XKR9: variants seen among roughly 807,000 people sequenced by gnomAD.
The protein encoded by XKR9 is XK related 9, also known as XK-related protein 9.
A neutral mutation model predicts 32.0 loss-of-function variants in XKR9; 32 were observed. That is an observed-to-expected ratio of 1.00 (90% CI 0.76 to 1.34). XKR9 has a LOEUF of 1.34. XKR9 is among the 40% of genes most tolerant of loss of function. The pLI is 0.00. For missense variants in XKR9, 546 were observed against 429.7 expected, an observed-to-expected ratio of 1.27 and a Z score of -2.39; for synonymous variants, 168 against 143.4, an observed-to-expected ratio of 1.17 and a Z score of -1.22.
chr8:70,706,986 A>G lies in XKR9; in HGVS notation c.326A>G (p.Asn109Ser), dbSNP rs772448389. ...CATGCAGCTTTTAAATATGACAGCA[A>G]TACTAGTAACTTCGTGGAAGAACAA... is the stretch of plus-strand genomic sequence containing the variant. ...GYHAAFKYDS[N>S]TSNFVEEQID... Residue 109 changes from asparagine to serine, a missense_variant, in exon 4 of 5, where the codon AAT becomes AGT. Asn to Ser is a conservative substitution (Grantham distance 46, BLOSUM62 1). Coordinates refer to ENST00000408926, the MANE Select transcript of XKR9 (RefSeq NM_001011720.2). 3 of 1,613,402 alleles carry G rather than the reference A, an allele frequency of 1.9e-6. No homozygotes were observed. Among genetic ancestry groups the G allele is most frequent in the South Asian group, 2.2e-5 (2 of 91,040 alleles).
chr8:70,923,349 G>C, the XKR9 span, among the ~76,000 whole-genome samples: 1 of 152,308 alleles, frequency 6.6e-6, no homozygotes, highest in East Asian at 1.9e-4. Context: ...GTATCAGCAT[G>C]CATCCAGCCA....
chr8:70,940,382 T>A, the XKR9 span, among the ~76,000 whole-genome samples: 1 of 152,084 alleles, frequency 6.6e-6, no homozygotes, highest in Non-Finnish European at 1.5e-5. Context: ...TGGCAAGAAC[T>A]GGGCCTCTGA....
At chr8:70,990,253 G>A in the XKR9 span, among the ~76,000 whole-genome samples, 2 of 152,098 alleles carry the variant, frequency 1.3e-5, no homozygotes, top group African/African-American at 4.8e-5. Flanking sequence ...TGCTCTAATT[G>A]TAATAACTCT....
chr8:71,027,779 C>CG, the XKR9 span, among the ~76,000 whole-genome samples: 2,539 of 116,724 alleles, frequency 0.022, 49 homozygotes, highest in East Asian at 0.057. Context: ...TTTTTTTTGG[C>CG]GGGGGGGGGG....
At chr8:70,738,479 G>C (rs371426410), downstream of XKR9, among the ~76,000 whole-genome samples, 1,034 of 138,358 alleles carry the variant, frequency 7.5e-3, 6 homozygotes, top group Middle Eastern at 0.011. Context: ...TTCAGTTCTG[G>C]TCTGATTTTA....
At chr8:70,887,632 G>A in the XKR9 span, among the ~76,000 whole-genome samples, 1 of 151,972 alleles carries the variant, frequency 6.6e-6, no homozygotes, top group South Asian at 2.1e-4. Flanking sequence ...CCTTGAAGAG[G>A]TCCTTCACGT....
the XKR9 span, among the ~76,000 whole-genome samples, chr8:70,814,038 C>G: frequency 5.9e-5 from 9 of 152,132 alleles, no homozygotes; most frequent in African/African-American, 1.7e-4. Context: ...GACTTGGAAC[C>G]AACCCAAATG....
At chr8:70,900,618 A>ATAAATAAG in the XKR9 span, among the ~76,000 whole-genome samples, 3,142 of 152,064 alleles carry the variant, frequency 0.021, 109 homozygotes, top group African/African-American at 0.07. Context: ...AAATAAATAA[A>ATAAATAAG]TAAATAGGAA....
At chr8:71,017,920 T>C in the XKR9 span, among the ~76,000 whole-genome samples, 10,132 of 152,312 alleles carry the variant, frequency 0.067, 469 homozygotes, top group Non-Finnish European at 0.094. Context: ...GGTGGATGCA[T>C]GTTTATGATA....
chr8:70,915,696 G>T, the XKR9 span, among the ~76,000 whole-genome samples: 32 of 152,264 alleles, frequency 2.1e-4, no homozygotes, highest in East Asian at 5.8e-3. Context: ...AATTGATCCA[G>T]TATCATTCAC....
the XKR9 span, among the ~76,000 whole-genome samples, chr8:71,056,329 G>C: frequency 6.6e-6 from 1 of 151,678 alleles, no homozygotes; most frequent in Admixed American, 6.6e-5. Flanking sequence ...ACAGGAGGTT[G>C]TTCTAATTTT....
rs1361671471 is a variant in XKR9, at chr8:70,735,552, T to A, written c.*1128T>A. 2 of 151,368 alleles carry A rather than the reference T, an allele frequency of 1.3e-5. No individual in the cohort carries two copies. Among genetic ancestry groups the A allele is most frequent in the Admixed American group, 1.3e-4 (2 of 15,190 alleles). 9.4% of individuals were successfully genotyped at this position (151,368 alleles called of 1,614,324 possible). Reference sequence around the variant, plus strand: ...TATGTATACATGTGCCATGCTGGTGTGCTGCACCCATTAACTCGTCATTTA... The same window carrying A: ...TATGTATACATGTGCCATGCTGGTGAGCTGCACCCATTAACTCGTCATTTA... On this transcript the variant is annotated 3_prime_UTR_variant, in exon 5 of 5. Coordinates refer to ENST00000408926, the MANE Select transcript of XKR9 (RefSeq NM_001011720.2).
chr8:70,779,535 G>T (rs555095306), intron 2 of XKR9, among the ~76,000 whole-genome samples: 40 of 152,274 alleles, frequency 2.6e-4, no homozygotes, highest in African/African-American at 9.6e-4. Context: ...AATGGTACCA[G>T]CTCCTCTTTG....
chr8:70,937,090 A>G, the XKR9 span, among the ~76,000 whole-genome samples: 3 of 151,958 alleles, frequency 2.0e-5, no homozygotes, highest in Admixed American at 2.0e-4. Context: ...TCACACACAC[A>G]CATGCACACA....
In XKR9 at chr8:70,733,824, T is replaced by C; in HGVS notation, c.522T>C (p.Ala174=). The change falls in exon 5 of 5, where the codon GCT becomes GCC. Residue 174 remains alanine, a synonymous_variant. Coordinates refer to ENST00000408926, the MANE Select transcript of XKR9 (RefSeq NM_001011720.2). ...CGGCCATCATGGTCTCTTGCTGTGC[T>C]ATTTCTTGGTCAACTGTTGATTATC... is the stretch of plus-strand genomic sequence containing the variant. The part of the protein sequence containing the change: ...QYAAIMVSCC[A]ISWSTVDYQV... The C allele has an allele frequency of 1.3e-6, 2 of 1,590,578 alleles. No individual in the cohort carries two copies. Among genetic ancestry groups the C allele is most frequent in the Non-Finnish European group, 1.7e-6 (2 of 1,172,842 alleles).
At chr8:70,685,348 G>C (rs1354490847) in intron 3 of XKR9, among the ~76,000 whole-genome samples, 1 of 99,658 alleles carries the variant, frequency 1.0e-5, no homozygotes, top group Admixed American at 1.3e-4. Context: ...ACTGTTGTGG[G>C]GTGGGGGGAG....
chr8:70,681,697 T>C (rs1819090389), intron 3 of XKR9, among the ~76,000 whole-genome samples: 1 of 152,108 alleles, frequency 6.6e-6, no homozygotes, highest in African/African-American at 2.4e-5. Flanking sequence ...TTTTGATACT[T>C]ATCATTGATT....
chr8:71,001,779 G>A, the XKR9 span, among the ~76,000 whole-genome samples: 1 of 152,164 alleles, frequency 6.6e-6, no homozygotes, highest in Admixed American at 6.5e-5. Context: ...GTAAATTGTA[G>A]TGTTATGCAA....
At chr8:71,029,750 G>C in the XKR9 span, among the ~76,000 whole-genome samples, 1 of 151,564 alleles carries the variant, frequency 6.6e-6, no homozygotes, top group African/African-American at 2.4e-5. Context: ...CTAAAAGTCT[G>C]TTGTATCATG....
Sources: allele counts gnomAD v4.1 joint callset (sites outside exome capture counted in the v4.1 genomes callset), GRCh38; gene constraint gnomAD v4.1.1; transcripts MANE v1.5; gene names NCBI Gene and HGNC (gene_info 2026-07-23, HGNC 2026-07-21).